The following ZNF385D variants were observed in gnomAD, a reference collection of about 807,000 sequenced individuals.
The protein encoded by ZNF385D is zinc finger protein 385D, also known as zinc finger protein 659.
Under a neutral mutation model 35.8 loss-of-function variants are expected in ZNF385D, and 15 were observed. That is an observed-to-expected ratio of 0.42 (90% CI 0.28 to 0.64). The LOEUF is 0.64. Ranked by LOEUF, ZNF385D falls within the 30% of genes least tolerant of loss-of-function variation. The pLI is 0.23. For synonymous variants in ZNF385D, 212 were observed against 186.8 expected (o/e 1.13, Z -1.10); for missense variants, 474 against 494.6 (o/e 0.96, Z 0.39).
intron 3 of ZNF385D, among the ~76,000 whole-genome samples, chr3:22,106,701 C>T (rs1311285079): frequency 6.6e-6 from 1 of 152,116 alleles, no homozygotes; most frequent in Non-Finnish European, 1.5e-5. Context: ...TGGTTGTAAC[C>T]CTTGGAGTTG....
intron 2 of ZNF385D, among the ~76,000 whole-genome samples, chr3:22,312,654 CT>C (rs1302423294): frequency 1.3e-5 from 2 of 152,118 alleles, no homozygotes; most frequent in African/African-American, 4.8e-5. Flanking sequence ...TGAAAAAGTG[CT>C]CATTATCACT....
intron 3 of ZNF385D, among the ~76,000 whole-genome samples, chr3:22,031,795 C>T (rs182031573): frequency 6.6e-6 from 1 of 152,300 alleles, no homozygotes; most frequent in African/African-American, 2.4e-5. Context: ...CGCATGGTCA[C>T]GCTGCCAATT....
chr3:21,518,070 T>C (rs1707688978), intron 3 of ZNF385D, among the ~76,000 whole-genome samples: 1 of 152,186 alleles, frequency 6.6e-6, no homozygotes. Flanking sequence ...AAACTATTCA[T>C]CTTAAGTATA....
chr3:22,121,671 ATTT>A (rs59348757), intron 3 of ZNF385D, among the ~76,000 whole-genome samples: 1 of 144,894 alleles, frequency 6.9e-6, no homozygotes, highest in Non-Finnish European at 1.5e-5. Flanking sequence ...GAATGATGTG[ATTT>A]TTTTTTTTTT....
intron 2 of ZNF385D, among the ~76,000 whole-genome samples, chr3:22,181,871 A>G (rs1268980627): frequency 1.3e-5 from 2 of 152,178 alleles, no homozygotes; most frequent in Non-Finnish European, 2.9e-5. Context: ...TTTGAAAAAA[A>G]TGTGATCTTA....
chr3:22,203,865 T>C (rs560110234), intron 2 of ZNF385D, among the ~76,000 whole-genome samples: 3 of 152,254 alleles, frequency 2.0e-5, no homozygotes, highest in African/African-American at 7.2e-5. Context: ...CTTCAAACCA[T>C]GGCTTCTGGA....
intron 3 of ZNF385D, among the ~76,000 whole-genome samples, chr3:21,512,448 C>G (rs546515777): frequency 2.0e-5 from 3 of 152,200 alleles, no homozygotes; most frequent in East Asian, 1.9e-4. Context: ...ATTACAGAAC[C>G]TGTGATAACT....
rs141198221 is a variant in ZNF385D, at chr3:21,997,243, C to T, written c.325+171574G>A. 5.3e-3 allele frequency among the ~76,000 whole-genome samples: 812 copies of T among 152,154 alleles called. 7 individuals carry two copies. The highest frequency in any genetic ancestry group is 0.018 in the African/African-American group (743 of 41,496). ...AACCATCATTCTGAGCAAACTATTT[C>T]AAGGACAGAAAACCAAATACCACAT... On this transcript the variant is annotated intron_variant, in intron 3 of 5. Transcript: ENST00000494108.
intron 3 of ZNF385D, among the ~76,000 whole-genome samples, chr3:22,001,328 G>T (rs967306309): frequency 4.8e-5 from 4 of 82,878 alleles, no homozygotes; most frequent in African/African-American, 7.4e-5. Flanking sequence ...CCAAAAACAA[G>T]CAGGAGATAC....
intron 3 of ZNF385D, among the ~76,000 whole-genome samples, chr3:22,015,065 C>G (rs539832020): frequency 6.6e-6 from 1 of 152,088 alleles, no homozygotes; most frequent in East Asian, 1.9e-4. Flanking sequence ...AAATTATACA[C>G]AGCTGTGGCC....
At chr3:22,322,036 C>CT (rs371040793) in intron 2 of ZNF385D, among the ~76,000 whole-genome samples, 5 of 152,150 alleles carry the variant, frequency 3.3e-5, no homozygotes, top group East Asian at 1.9e-4. Flanking sequence ...CCAATTATAG[C>CT]TTTTTTTCTG....
chr3:22,340,161 A>C (rs1353979863), intron 2 of ZNF385D, among the ~76,000 whole-genome samples: 1 of 152,206 alleles, frequency 6.6e-6, no homozygotes, highest in African/African-American at 2.4e-5. Context: ...TGGTTATCTC[A>C]AGGTTATTGC....
At chr3:21,541,062 T>C (rs1233638454) in intron 3 of ZNF385D, among the ~76,000 whole-genome samples, 1 of 152,174 alleles carries the variant, frequency 6.6e-6, no homozygotes, top group East Asian at 1.9e-4. Context: ...TGTTCTAATA[T>C]AGTAGTACCT....
chr3:22,342,058 G>C (rs529743177), intron 2 of ZNF385D, among the ~76,000 whole-genome samples: 15 of 151,994 alleles, frequency 9.9e-5, no homozygotes, highest in African/African-American at 3.6e-4. Flanking sequence ...GGCAGATCAC[G>C]AGGTCAGGAA....
intron 2 of ZNF385D, among the ~76,000 whole-genome samples, chr3:22,362,482 T>A (rs1696458917): frequency 6.6e-6 from 1 of 152,124 alleles, no homozygotes; most frequent in Non-Finnish European, 1.5e-5. Flanking sequence ...AATACTTTTT[T>A]AACTCAATCT....
intron 3 of ZNF385D, among the ~76,000 whole-genome samples, chr3:21,949,398 G>T (rs1701945922): frequency 6.6e-6 from 1 of 151,740 alleles, no homozygotes; most frequent in Non-Finnish European, 1.5e-5. Flanking sequence ...CATCGGTTGG[G>T]GTGGCTATCT....
intron 2 of ZNF385D, among the ~76,000 whole-genome samples, chr3:22,226,480 G>A (rs1376083360): frequency 6.6e-6 from 1 of 152,124 alleles, no homozygotes; most frequent in African/African-American, 2.4e-5. Context: ...CCAAAGTTCA[G>A]CTGTTTTGTT....
intron 2 of ZNF385D, among the ~76,000 whole-genome samples, chr3:22,371,351 A>T (rs571938626): frequency 2.4e-4 from 37 of 152,322 alleles, no homozygotes; most frequent in African/African-American, 8.7e-4. Context: ...TTCCGGGAAC[A>T]CCGCAGAATT....
chr3:22,108,710 G>A (rs937033300), intron 3 of ZNF385D, among the ~76,000 whole-genome samples: 1 of 152,016 alleles, frequency 6.6e-6, no homozygotes, highest in Non-Finnish European at 1.5e-5. Context: ...TAAATAAGAT[G>A]AATATAAAAA....
Sources: gnomAD v4.1 joint callset for allele counts (sites outside exome capture counted in the v4.1 genomes callset) on GRCh38, gnomAD v4.1.1 for gene constraint, MANE v1.5 for transcripts, NCBI Gene and HGNC (gene_info 2026-07-23, HGNC 2026-07-21) for gene names.